Variants in MAN1A1 observed in about 807,000 individuals in gnomAD.
The protein encoded by MAN1A1 is mannosyl-oligosaccharide 1,2-alpha-mannosidase IA.
Under a neutral mutation model 70.8 loss-of-function variants are expected in MAN1A1, and 29 were observed. The observed-to-expected ratio is 0.41, with a 90% CI of 0.31 to 0.56. The LOEUF is 0.56. Among genes scored for constraint, MAN1A1 ranks in the 20% least tolerant of loss-of-function variants. The probability of loss-of-function intolerance (pLI) is 0.29; values close to 1 mark genes in which losing one functional copy is unlikely to be tolerated. For missense variants in MAN1A1, 747 were observed against 841.3 expected (o/e 0.89, Z 1.39); for synonymous variants, 349 against 330.1 (o/e 1.06, Z -0.62).
At chr6:119,269,970 C>T (rs1446444978) in intron 5 of MAN1A1, among the ~76,000 whole-genome samples, 1 of 152,104 alleles carries the variant, frequency 6.6e-6, no homozygotes, top group African/African-American at 2.4e-5. Context: ...TTGAACTTAT[C>T]AATTTAAACG....
chr6:119,350,147 C>A (rs1773868778), upstream of MAN1A1, among the ~76,000 whole-genome samples: 1 of 152,196 alleles, frequency 6.6e-6, no homozygotes, highest in Non-Finnish European at 1.5e-5. Context: ...CGCGCGGGAC[C>A]TCTCTGCCTC....
rs1159986352 is a variant in MAN1A1 at position 119,211,003 on chromosome 6, G to T, written c.993-6121C>A. ...ATCTACACACAATCATTTATATCAA[G>T]ATATTTTTCTAATAAGCTTCAAGTT... On this transcript the variant is annotated intron_variant, in intron 6 of 12. Transcript: ENST00000368468. 4 of 409,740 alleles carry T rather than the reference G, an allele frequency of 9.8e-6. No homozygotes were observed. In the Admixed American group the frequency reaches 1.1e-4, roughly 11 times the overall value. 25.4% of individuals were successfully genotyped at this position (409,740 alleles called of 1,614,324 possible).
chr6:119,260,643 T>C (rs78880033), intron 5 of MAN1A1, among the ~76,000 whole-genome samples: 6 of 152,234 alleles, frequency 3.9e-5, no homozygotes, highest in South Asian at 2.1e-4. Context: ...AGCATCTTTA[T>C]CTTTTTTTCA....
intron 5 of MAN1A1, among the ~76,000 whole-genome samples, chr6:119,274,374 G>A (rs1775998833): frequency 6.6e-6 from 1 of 152,070 alleles, no homozygotes; most frequent in Non-Finnish European, 1.5e-5. Flanking sequence ...GTCAACATAT[G>A]GTAGATTTAC....
intron 8 of MAN1A1, among the ~76,000 whole-genome samples, chr6:119,196,666 G>A (rs948159739): frequency 1.3e-5 from 2 of 152,080 alleles, no homozygotes; most frequent in African/African-American, 4.8e-5. Context: ...ATCTAAAAAA[G>A]AGAAAAAGCA....
chr6:119,199,269 T>C (rs77563052), intron 8 of MAN1A1, among the ~76,000 whole-genome samples: 7,089 of 152,306 alleles, frequency 0.047, 207 homozygotes, highest in East Asian at 0.082. Flanking sequence ...TGTGACTTTT[T>C]CTTGAAGTGA....
At chr6:119,310,025 A>C (rs773514423) in intron 2 of MAN1A1, among the ~76,000 whole-genome samples, 2 of 152,206 alleles carry the variant, frequency 1.3e-5, no homozygotes, top group Non-Finnish European at 2.9e-5. Flanking sequence ...TAATGTATGG[A>C]AACATAAGAT....
intron 5 of MAN1A1, among the ~76,000 whole-genome samples, chr6:119,286,875 CTAT>C (rs1776387760): frequency 6.6e-6 from 1 of 152,052 alleles, no homozygotes; most frequent in Non-Finnish European, 1.5e-5. Flanking sequence ...TGTGGTTTGT[CTAT>C]TTTCTCTGCC....
At chr6:119,271,653 C>A (rs192605723) in intron 5 of MAN1A1, among the ~76,000 whole-genome samples, 5 of 151,380 alleles carry the variant, frequency 3.3e-5, no homozygotes, top group African/African-American at 1.2e-4. Context: ...GCATGCACCA[C>A]TACACCTAGC....
At chr6:119,286,512 G>C (rs1397667956) in intron 5 of MAN1A1, among the ~76,000 whole-genome samples, 1 of 152,074 alleles carries the variant, frequency 6.6e-6, no homozygotes, top group Non-Finnish European at 1.5e-5. Context: ...ACTGGTGTTT[G>C]CAGCAGTGGA....
intron 2 of MAN1A1, among the ~76,000 whole-genome samples, chr6:119,309,803 A>G (rs1772651636): frequency 6.6e-6 from 1 of 152,206 alleles, no homozygotes; most frequent in Admixed American, 6.5e-5. Flanking sequence ...GAAAATATTA[A>G]ATTGGGTATA....
At chr6:119,238,694 C>G (rs1294240820) in intron 6 of MAN1A1, among the ~76,000 whole-genome samples, 2 of 152,136 alleles carry the variant, frequency 1.3e-5, no homozygotes, top group East Asian at 3.9e-4. Flanking sequence ...ACATTAAACT[C>G]TCAGTAGCAT....
intron 2 of MAN1A1, among the ~76,000 whole-genome samples, chr6:119,322,825 T>G (rs889723639): frequency 6.6e-6 from 1 of 152,200 alleles, no homozygotes; most frequent in East Asian, 1.9e-4. Context: ...TGGGTAACAA[T>G]CATTTCAAAG....
intron 11 of MAN1A1, 22 bp downstream of exon 11, chr6:119,188,383 A>C (rs1281495762): frequency 6.4e-7 from 1 of 1,570,654 alleles, no homozygotes. Flanking sequence ...ATCTATAAGA[A>C]ACATGCAAAT....
At chr6:119,229,943 A>T (rs1007325435) in intron 6 of MAN1A1, among the ~76,000 whole-genome samples, 6 of 152,210 alleles carry the variant, frequency 3.9e-5, no homozygotes, top group Admixed American at 1.3e-4. Context: ...AGTGAACAGA[A>T]CTAAAAAATA....
Position 119,189,647 on chromosome 6 carries a change from G to T in MAN1A1, c.1546+17C>A, listed in dbSNP as rs1460332928. On this transcript the variant is annotated intron_variant, in intron 10 of 12. Transcript: ENST00000368468. ...CATGTGGGAATAGACCATAAATGAA[G>T]AATAACATGTACTCACATGTTCGAT... 1 of 1,608,772 alleles carries T rather than the reference G, an allele frequency of 6.2e-7. No individual in the cohort carries two copies. The highest frequency in any genetic ancestry group is 1.3e-5 in the African/African-American group (1 of 74,944).
At chr6:119,263,556 G>C (rs780047021) in intron 5 of MAN1A1, among the ~76,000 whole-genome samples, 1 of 152,146 alleles carries the variant, frequency 6.6e-6, no homozygotes, top group Non-Finnish European at 1.5e-5. Flanking sequence ...TGGGTACTAT[G>C]CTTATTACTT....
At chr6:119,346,086 A>G (rs1327527703) in intron 2 of MAN1A1, among the ~76,000 whole-genome samples, 1 of 152,234 alleles carries the variant, frequency 6.6e-6, no homozygotes, top group Admixed American at 6.5e-5. Flanking sequence ...AGCCTGGGCA[A>G]CAGAGCCAGA....
At chr6:119,304,554 T>G (rs1772478870) in intron 3 of MAN1A1, among the ~76,000 whole-genome samples, 1 of 152,190 alleles carries the variant, frequency 6.6e-6, no homozygotes, top group East Asian at 1.9e-4. Flanking sequence ...AGTTTCCTGC[T>G]TAAGATGGAA....
Sources: gnomAD v4.1 joint callset for allele counts (sites outside exome capture counted in the v4.1 genomes callset) on GRCh38, gnomAD v4.1.1 for gene constraint, MANE v1.5 for transcripts, NCBI Gene and HGNC (gene_info 2026-07-23, HGNC 2026-07-21) for gene names.